Variants in SPOP observed in about 807,000 individuals in gnomAD.
The protein encoded by SPOP is speckle-type POZ protein.
SPOP carries 11 observed loss-of-function variants against 45.6 expected under a neutral mutation model. The ratio of observed to expected loss-of-function variants is 0.24; its 90% CI spans 0.15 to 0.40. The LOEUF (loss-of-function observed/expected upper bound fraction) is 0.40. SPOP is among the 10% of genes least tolerant of loss of function. The pLI, the probability that SPOP is intolerant of heterozygous loss-of-function variation, is 1.00. For missense variants in SPOP, 152 were observed against 465.6 expected, an observed-to-expected ratio of 0.33 and a Z score of 6.20; for synonymous variants, 166 against 166.3, an observed-to-expected ratio of 1.00 and a Z score of 0.01.
chr17:49,600,593 A>G lies in SPOP; in HGVS notation c.981-71T>C. 1 of 1,568,330 alleles carries G rather than the reference A, an allele frequency of 6.4e-7. No individual in the cohort carries two copies. The highest frequency in any genetic ancestry group is 8.7e-7 in the Non-Finnish European group (1 of 1,143,342). On this transcript the variant is annotated intron_variant, in intron 9 of 9. Transcript: ENST00000504102. This position sits in a 1 kb window ranked among gnomAD's most constrained non-coding sequence, Gnocchi z 4.2. ...GGATGAATTCAACAGCCACCTAGAT[A>G]GCCTAATTTTCCACTGTTAGGTATA...
intron 1 of SPOP, among the ~76,000 whole-genome samples, chr17:49,666,961 C>T (rs1326243701): frequency 1.3e-5 from 2 of 151,194 alleles, no homozygotes; most frequent in African/African-American, 2.4e-5. Context: ...GGTGGATCAC[C>T]TGAGGTCAGG....
At chr17:49,672,041 G>A (rs945807723) in intron 1 of SPOP, among the ~76,000 whole-genome samples, 5 of 152,162 alleles carry the variant, frequency 3.3e-5, no homozygotes, top group Non-Finnish European at 5.9e-5. Context: ...TTGGAAGGTT[G>A]AGGCACAAGA....
At chr17:49,664,261 T>C (rs1567802861) in intron 1 of SPOP, among the ~76,000 whole-genome samples, 1 of 152,202 alleles carries the variant, frequency 6.6e-6, no homozygotes, top group Non-Finnish European at 1.5e-5. Flanking sequence ...TACATGTTCT[T>C]TCAGGCCATA....
intron 3 of SPOP, chr17:49,620,768 C>T (rs2072207556): frequency 6.5e-6 from 1 of 154,086 alleles, no homozygotes; most frequent in African/African-American, 2.4e-5. Context: ...ACTGCTTCTA[C>T]CACATGCAAT....
chr17:49,622,109 C>A (rs1262574335), intron 2 of SPOP, 42 bp from the exon 3 acceptor site: 1 of 1,603,438 alleles, frequency 6.2e-7, no homozygotes, highest in Admixed American at 1.7e-5. Flanking sequence ...AGGAAGTGGA[C>A]AACCTGAAAA....
rs187416465 is a variant in SPOP, at chr17:49,639,267, A to C, written c.-66-16391T>G. Among the ~76,000 whole-genome samples the C allele has an allele frequency of 4.6e-4, 70 of 152,296 alleles. 1 individual carries two copies. In the East Asian group the frequency reaches 0.012, roughly 26 times the overall value. ...AAGGTTTGGGTTTCTCAAAATTTAA[A>C]GCATCTGACAAAACTGGTAAGGGCT... On this transcript the variant is annotated intron_variant, in intron 1 of 9. Transcript: ENST00000504102.
chr17:49,609,523 C>T (rs2071922842), intron 6 of SPOP, among the ~76,000 whole-genome samples: 1 of 152,072 alleles, frequency 6.6e-6, no homozygotes, highest in Non-Finnish European at 1.5e-5. Context: ...AGCAGATCCT[C>T]AGGGCTCACC....
intron 8 of SPOP, among the ~76,000 whole-genome samples, chr17:49,606,657 C>T (rs2071857323): frequency 6.6e-6 from 1 of 151,316 alleles, no homozygotes; most frequent in Admixed American, 6.6e-5. Context: ...TCATGCCTAG[C>T]TAATTCTTGT....
chr17:49,637,446 G>A (rs755203100), intron 1 of SPOP, among the ~76,000 whole-genome samples: 180 of 152,144 alleles, frequency 1.2e-3, no homozygotes, highest in Non-Finnish European at 1.5e-3. Context: ...CACCTCCCAC[G>A]TTCAAGCAAT....
At chr17:49,641,615 A>T (rs2072652757) in intron 1 of SPOP, among the ~76,000 whole-genome samples, 1 of 152,106 alleles carries the variant, frequency 6.6e-6, no homozygotes, top group Non-Finnish European at 1.5e-5. Flanking sequence ...CTTGTATGTC[A>T]AATTAACAAA....
intron 5 of SPOP, among the ~76,000 whole-genome samples, chr17:49,617,647 G>T (rs2072115930): frequency 6.6e-6 from 1 of 152,110 alleles, no homozygotes; most frequent in Non-Finnish European, 1.5e-5. Context: ...AGGCTGGCTG[G>T]GCGTGGTGGC....
chr17:49,672,809 T>C (rs575897740), intron 1 of SPOP, among the ~76,000 whole-genome samples: 62 of 152,192 alleles, frequency 4.1e-4, no homozygotes, highest in Non-Finnish European at 8.4e-4. Flanking sequence ...TAGCCAGGTG[T>C]GGTGGTGGGC....
At chr17:49,632,605 G>A (rs993952573) in intron 1 of SPOP, among the ~76,000 whole-genome samples, 3 of 151,370 alleles carry the variant, frequency 2.0e-5, no homozygotes, top group Admixed American at 2.0e-4. Context: ...CAATTCTCCC[G>A]CCTTAGCCTC....
chr17:49,678,015 C>T lies in SPOP; in HGVS notation c.-149G>A. On this transcript the variant is annotated 5_prime_UTR_variant, in exon 1 of 10. Transcript: ENST00000504102. ...CCGCAACATCCGGGACCTGCGGGACCGCCGATACACAAATACACACACACT... is the reference window on the plus strand; with the variant it reads ...CCGCAACATCCGGGACCTGCGGGACTGCCGATACACAAATACACACACACT... 2.5e-6 allele frequency: 1 copy of T among 399,398 alleles called. No individual in the cohort carries two copies. The highest frequency in any genetic ancestry group is 4.4e-6 in the Non-Finnish European group (1 of 226,524). 24.7% of individuals were successfully genotyped at this position (399,398 alleles called of 1,614,324 possible).
In SPOP at chr17:49,621,931, C is replaced by T. The variant is rs201611701; in HGVS notation, c.200+15G>A. 1.4e-4 allele frequency: 226 copies of T among 1,612,108 alleles called. 2 individuals carry two copies. The highest frequency in any genetic ancestry group is 8.8e-4 in the South Asian group (80 of 90,868). On this transcript the variant is annotated intron_variant, in intron 3 of 9. Transcript: ENST00000504102. ...CTTCAGAAAAATTTTTACAGTTAGA[C>T]GTATTCTTCCTCACCATTTCAGTTT...
intron 1 of SPOP, among the ~76,000 whole-genome samples, chr17:49,671,966 C>T (rs1005622598): frequency 6.6e-6 from 1 of 152,072 alleles, no homozygotes; most frequent in African/African-American, 2.4e-5. Context: ...CGGTGAAACC[C>T]CATCTCTACT....
chr17:49,620,420 A>C (rs2072198034), intron 3 of SPOP, among the ~76,000 whole-genome samples: 1 of 150,366 alleles, frequency 6.7e-6, no homozygotes, highest in Admixed American at 6.7e-5. Flanking sequence ...GTGAGCCGAG[A>C]TCGTGCCACT....
At chr17:49,655,710 T>A (rs2072900456) in intron 1 of SPOP, among the ~76,000 whole-genome samples, 1 of 152,192 alleles carries the variant, frequency 6.6e-6, no homozygotes, top group Non-Finnish European at 1.5e-5. Context: ...TGTTGATGGA[T>A]AATGTATATG....
intron 5 of SPOP, 21 bp from the exon 6 acceptor site, chr17:49,611,478 C>A (rs550726115): frequency 6.2e-7 from 1 of 1,611,000 alleles, no homozygotes; most frequent in Non-Finnish European, 8.5e-7. Flanking sequence ...CAAGGAAACA[C>A]AAGCCAAGCT....
Sources: gnomAD v4.1 joint callset for allele counts (sites outside exome capture counted in the v4.1 genomes callset) on GRCh38, gnomAD v4.1.1 for gene constraint, Gnocchi (gnomAD v3.1) non-coding constraint, MANE v1.5 for transcripts, NCBI Gene and HGNC (gene_info 2026-07-23, HGNC 2026-07-21) for gene names.